The following GRM7 variants were observed in gnomAD, a reference collection of about 807,000 sequenced individuals.
The protein encoded by GRM7 is metabotropic glutamate receptor 7.
Under a neutral mutation model 84.5 loss-of-function variants are expected in GRM7, and 35 were observed. The observed-to-expected ratio is 0.41, with a 90% CI of 0.32 to 0.55. GRM7 has a LOEUF of 0.55. Among genes scored for constraint, GRM7 ranks in the 20% least tolerant of loss-of-function variants. The pLI is 0.19. For synonymous variants in GRM7, 487 were observed against 455.1 expected, an observed-to-expected ratio of 1.07 and a Z score of -0.89; for missense variants, 1,003 against 1,194.6, an observed-to-expected ratio of 0.84 and a Z score of 2.36.
intron 1 of GRM7, among the ~76,000 whole-genome samples, chr3:7,069,763 G>A (rs1023074526): frequency 6.6e-6 from 1 of 152,050 alleles, no homozygotes; most frequent in African/African-American, 2.4e-5. Context: ...GGTTGGGGAG[G>A]AGTAGTCAAA....
rs572860189 is a variant in GRM7, at chr3:7,192,836, T to C, written c.736+46168T>C. 2.6e-5 allele frequency among the ~76,000 whole-genome samples: 4 copies of C among 152,228 alleles called. No homozygotes were observed. The East Asian group carries it at 7.7e-4, about 29-fold the overall frequency. Reference sequence around the variant, plus strand: ...GCCTATTTTTCACTTTTCAATCCAATGTAATGAGGCCTGTGCCTCTAACCC... The same window carrying C: ...GCCTATTTTTCACTTTTCAATCCAACGTAATGAGGCCTGTGCCTCTAACCC... On this transcript the variant is annotated intron_variant, in intron 2 of 9. Coordinates refer to ENST00000357716, the MANE Select transcript of GRM7 (RefSeq NM_000844.4).
chr3:7,071,438 G>A (rs1200939850), intron 1 of GRM7, among the ~76,000 whole-genome samples: 1 of 152,060 alleles, frequency 6.6e-6, no homozygotes, highest in Non-Finnish European at 1.5e-5. Context: ...TTCCAGAGGT[G>A]AAGAAATGCT....
chr3:6,877,788 A>T (rs368851479), intron 1 of GRM7, among the ~76,000 whole-genome samples: 2 of 149,500 alleles, frequency 1.3e-5, no homozygotes, highest in South Asian at 4.3e-4. Flanking sequence ...GGATATATAT[A>T]CACATATACC....
chr3:7,107,448 A>T (rs1692695902), intron 1 of GRM7, among the ~76,000 whole-genome samples: 6 of 152,042 alleles, frequency 3.9e-5, no homozygotes, highest in Admixed American at 3.9e-4. Context: ...CAAAGTTGAC[A>T]ATTACCATGT....
chr3:7,169,438 C>G (rs1034996958), intron 2 of GRM7, among the ~76,000 whole-genome samples: 4 of 152,152 alleles, frequency 2.6e-5, no homozygotes, highest in Non-Finnish European at 5.9e-5. Flanking sequence ...GAGGTGCCAT[C>G]ATGGGACTCA....
At chr3:6,992,791 C>T (rs1358779198) in intron 1 of GRM7, among the ~76,000 whole-genome samples, 1 of 152,184 alleles carries the variant, frequency 6.6e-6, no homozygotes, top group Non-Finnish European at 1.5e-5. Flanking sequence ...GCTCCTTCTC[C>T]TCCCACCCTC....
chr3:6,931,404 T>C (rs780242223), intron 1 of GRM7, among the ~76,000 whole-genome samples: 1 of 152,180 alleles, frequency 6.6e-6, no homozygotes, highest in Non-Finnish European at 1.5e-5. Context: ...TTGCTCTTAG[T>C]GCCCTTCTTG....
intron 4 of GRM7, among the ~76,000 whole-genome samples, chr3:7,391,727 A>G (rs924247236): frequency 6.6e-6 from 1 of 151,750 alleles, no homozygotes; most frequent in Admixed American, 6.6e-5. Flanking sequence ...AATATAAAAA[A>G]GAAATGAGCT....
intron 8 of GRM7, among the ~76,000 whole-genome samples, chr3:7,584,715 T>G (rs1402109430): frequency 6.6e-6 from 1 of 152,228 alleles, no homozygotes; most frequent in Non-Finnish European, 1.5e-5. Context: ...CTTAAGGGAC[T>G]GGAAAAGATG....
At chr3:6,892,121 G>T (rs1695979667) in intron 1 of GRM7, among the ~76,000 whole-genome samples, 1 of 152,084 alleles carries the variant, frequency 6.6e-6, no homozygotes, top group South Asian at 2.1e-4. Context: ...GGTTATTCTA[G>T]TTATACATTC....
rs182954458 is a variant in GRM7, at chr3:7,490,907, G to A, written c.1515+29185G>A. Among the ~76,000 whole-genome samples, 23 of 151,512 alleles carry A rather than the reference G, an allele frequency of 1.5e-4. No individual in the cohort carries two copies. In the East Asian group the frequency reaches 4.5e-3, roughly 29 times the overall value. On this transcript the variant is annotated intron_variant, in intron 7 of 9. Coordinates refer to ENST00000357716, the MANE Select transcript of GRM7 (RefSeq NM_000844.4). Reference sequence around the variant, plus strand: ...ACAGCCTTACTCCTTGGAGTTTAAGGTAAATAAATAATCTAAAACAAAAGA... The same window carrying A: ...ACAGCCTTACTCCTTGGAGTTTAAGATAAATAAATAATCTAAAACAAAAGA...
chr3:7,330,478 C>T (rs985359936), intron 4 of GRM7, among the ~76,000 whole-genome samples: 2 of 152,128 alleles, frequency 1.3e-5, no homozygotes, highest in African/African-American at 2.4e-5. Context: ...TGTTCCCACC[C>T]AAATCTTATC....
chr3:7,510,889 G>A (rs1700178821), intron 7 of GRM7, among the ~76,000 whole-genome samples: 2 of 152,132 alleles, frequency 1.3e-5, no homozygotes, highest in South Asian at 4.1e-4. Context: ...GTGGCAGAGT[G>A]GAATAACTGT....
intron 7 of GRM7, among the ~76,000 whole-genome samples, chr3:7,549,187 T>C (rs547483346): frequency 6.6e-6 from 1 of 152,300 alleles, no homozygotes; most frequent in South Asian, 2.1e-4. Flanking sequence ...TAATACAAAC[T>C]TACATTCAAT....
At chr3:7,539,501 C>T (rs1446915980) in intron 7 of GRM7, among the ~76,000 whole-genome samples, 1 of 151,756 alleles carries the variant, frequency 6.6e-6, no homozygotes, top group African/African-American at 2.4e-5. Context: ...GATGGTGAAA[C>T]CCCGTCTCTA....
intron 1 of GRM7, among the ~76,000 whole-genome samples, chr3:7,026,441 C>T (rs1357957093): frequency 1.3e-5 from 2 of 152,148 alleles, no homozygotes; most frequent in South Asian, 2.1e-4. Context: ...ATAAATGCTG[C>T]GGGGATAAGA....
At chr3:6,934,665 G>T (rs1342177722) in intron 1 of GRM7, among the ~76,000 whole-genome samples, 1 of 152,094 alleles carries the variant, frequency 6.6e-6, no homozygotes, top group Admixed American at 6.6e-5. Context: ...GAGATGACTC[G>T]GTTGTTGTGG....
At chr3:7,340,426 A>G (rs764783018) in intron 4 of GRM7, among the ~76,000 whole-genome samples, 1 of 152,112 alleles carries the variant, frequency 6.6e-6, no homozygotes, top group Non-Finnish European at 1.5e-5. Context: ...TATGGGAAGC[A>G]AAGAGAGGAG....
Position 7,438,019 on chromosome 3 carries a change from C to T in GRM7, c.1175-14588C>T, listed in dbSNP as rs565467878. 2.6e-5 allele frequency among the ~76,000 whole-genome samples: 4 copies of T among 151,934 alleles called. No homozygotes were observed. In the South Asian group the frequency reaches 8.3e-4, roughly 32 times the overall value. ...AAATATAATGAGAAGGAATACGGCTCTAAGATGTGACTGAAGGGAGTCAGA... is the reference window on the plus strand; with the variant it reads ...AAATATAATGAGAAGGAATACGGCTTTAAGATGTGACTGAAGGGAGTCAGA... On this transcript the variant is annotated intron_variant, in intron 5 of 9. Transcript: ENST00000357716.
Sources: allele counts gnomAD v4.1 joint callset (sites outside exome capture counted in the v4.1 genomes callset), GRCh38; gene constraint gnomAD v4.1.1; transcripts MANE v1.5; gene names NCBI Gene and HGNC (gene_info 2026-07-23, HGNC 2026-07-21).